Variants in HERC3 observed in about 807,000 individuals in gnomAD.
The protein encoded by HERC3 is HECT and RLD domain containing E3 ubiquitin protein ligase 3, also known as probable E3 ubiquitin-protein ligase HERC3.
In HERC3, 58 loss-of-function variants were observed where a neutral mutation model predicts 129.9. The observed-to-expected ratio is 0.45, with a 90% CI of 0.36 to 0.56. The LOEUF is 0.56. Among genes scored for constraint, HERC3 ranks in the 20% least tolerant of loss-of-function variants. The probability of loss-of-function intolerance (pLI) is 0.00; values close to 1 mark genes in which losing one functional copy is unlikely to be tolerated. For missense variants in HERC3, 835 were observed against 1,244.2 expected (o/e 0.67, Z 4.95); for synonymous variants, 430 against 451.0 (o/e 0.95, Z 0.59).
intron 10 of HERC3, among the ~76,000 whole-genome samples, chr4:88,658,749 A>G (rs541270662): frequency 6.6e-6 from 1 of 152,272 alleles, no homozygotes; most frequent in South Asian, 2.1e-4. Context: ...TTGTTCCAGA[A>G]ACTCTGTAAA....
intron 21 of HERC3, among the ~76,000 whole-genome samples, chr4:88,682,753 T>A (rs1220398957): frequency 1.3e-5 from 2 of 152,140 alleles, no homozygotes; most frequent in Non-Finnish European, 2.9e-5. Flanking sequence ...TCCAAGTCTT[T>A]GCTATTGTGA....
chr4:88,629,408 T>A (rs1726491653), intron 3 of HERC3, among the ~76,000 whole-genome samples: 1 of 152,250 alleles, frequency 6.6e-6, no homozygotes, highest in African/African-American at 2.4e-5. Flanking sequence ...TTCCACTTAC[T>A]ATCTCATAAT....
At chr4:88,667,781 C>T in intron 13 of HERC3, 111 bp from the exon 14 acceptor site, 2 of 796,114 alleles carry the variant, frequency 2.5e-6, no homozygotes, top group Non-Finnish European at 4.1e-6. Context: ...GTTCTCAGTG[C>T]ATAGTGAATG....
At position 88,708,100 on chromosome 4, in the gene HERC3, C is replaced by T. The variant is rs1356799580; in HGVS notation, c.*1140C>T. On this transcript the variant is annotated 3_prime_UTR_variant, in exon 26 of 26. Coordinates refer to ENST00000402738, the MANE Select transcript of HERC3 (RefSeq NM_014606.3). ...TTCCCTAATTGCTAAGATTTAAGGA[C>T]GTTCTTTATTATGAAACTTTATCAC... The T allele has an allele frequency of 5.2e-5, 8 of 152,398 alleles. No homozygotes were observed. Among genetic ancestry groups the T allele is most frequent in the East Asian group, 1.9e-4 (1 of 5,168 alleles). The allele number at this position is 152,398 out of a possible 1,614,324, so 9.4% of individuals were successfully genotyped here.
chr4:88,560,323 A>AATTT, the HERC3 span, among the ~76,000 whole-genome samples: 3 of 151,950 alleles, frequency 2.0e-5, no homozygotes, highest in African/African-American at 7.3e-5. Context: ...TTTTGATTTA[A>AATTT]ATTTCTCTGA....
chr4:88,659,325 G>A (rs1730242879), intron 10 of HERC3, among the ~76,000 whole-genome samples: 1 of 152,208 alleles, frequency 6.6e-6, no homozygotes, highest in Non-Finnish European at 1.5e-5. Flanking sequence ...GGAAGATAAT[G>A]AGCAACTGTG....
At chr4:88,681,427 C>A in intron 21 of HERC3, 102 bp downstream of exon 21, 1 of 1,010,002 alleles carries the variant, frequency 9.9e-7, no homozygotes, top group Non-Finnish European at 1.5e-6. Context: ...GAGTTTATTG[C>A]ATCCTGTGGT....
In HERC3 at chr4:88,662,474, A is replaced by G; in HGVS notation, c.1190A>G (p.His397Arg). ...AVDFRTMNQA[H>R]YTSLINDETI... ...GACTTCAGGACTATGAACCAAGCAC[A>G]TTATACCAGTTTAATAAATGATGAA... The change falls in exon 11 of 26, where the codon CAT becomes CGT. Residue 397 changes from histidine to arginine, a missense_variant. Physicochemically the swap from His to Arg is conservative, Grantham distance 29. Transcript: ENST00000402738. The G allele has an allele frequency of 1.2e-6, 2 of 1,613,606 alleles. No individual in the cohort carries two copies. Among genetic ancestry groups the G allele is most frequent in the Non-Finnish European group, 1.7e-6 (2 of 1,179,588 alleles).
intron 4 of HERC3, among the ~76,000 whole-genome samples, chr4:88,651,564 G>A (rs72882987): frequency 0.054 from 8,154 of 152,274 alleles, 485 homozygotes; most frequent in African/African-American, 0.14. Flanking sequence ...TGCTTGCACT[G>A]TATGGACTCC....
chr4:88,547,864 C>T, the HERC3 span, among the ~76,000 whole-genome samples: 1 of 152,144 alleles, frequency 6.6e-6, no homozygotes, highest in African/African-American at 2.4e-5. Flanking sequence ...CCACGTTAGC[C>T]AGGCTGGTGT....
At chr4:88,699,507 A>G (rs1560782710) in intron 23 of HERC3, among the ~76,000 whole-genome samples, 1 of 147,366 alleles carries the variant, frequency 6.8e-6, no homozygotes, top group Non-Finnish European at 1.5e-5. Flanking sequence ...ACTCCCATAT[A>G]TCATCTCTTT....
chr4:88,569,356 A>G, the HERC3 span, among the ~76,000 whole-genome samples: 1 of 152,184 alleles, frequency 6.6e-6, no homozygotes, highest in African/African-American at 2.4e-5. Context: ...GAGGGGTGGC[A>G]TCTATAATTC....
intron 3 of HERC3, among the ~76,000 whole-genome samples, chr4:88,606,664 C>T (rs539758428): frequency 6.6e-6 from 1 of 152,142 alleles, no homozygotes; most frequent in Non-Finnish European, 1.5e-5. Context: ...CACATGGCGG[C>T]AGACAAGAGA....
intron 23 of HERC3, chr4:88,692,963 A>G: frequency 1.0e-6 from 1 of 984,458 alleles, no homozygotes; most frequent in Non-Finnish European, 1.2e-6. Flanking sequence ...TAATGTTTTC[A>G]AAAAGCAAAA....
the HERC3 span, among the ~76,000 whole-genome samples, chr4:88,555,292 A>AG: frequency 6.6e-6 from 1 of 151,768 alleles, no homozygotes; most frequent in East Asian, 1.9e-4. Context: ...AAAAAAAAAA[A>AG]AAAGAAAAAG....
At chr4:88,612,289 CTGTGTGTGTGTGTG>C (rs3220740) in intron 3 of HERC3, among the ~76,000 whole-genome samples, 8,119 of 141,672 alleles carry the variant, frequency 0.057, 591 homozygotes, top group East Asian at 0.27. Context: ...ATGTGACCAA[CTGTGTGTGTGTGTG>C]TGTGTGTGTG....
the HERC3 span, among the ~76,000 whole-genome samples, chr4:88,535,930 A>G: frequency 6.6e-6 from 1 of 152,244 alleles, no homozygotes; most frequent in Admixed American, 6.5e-5. Flanking sequence ...AGATAGAAAG[A>G]TGGGAGTGCA....
At chr4:88,575,941 A>G in the HERC3 span, among the ~76,000 whole-genome samples, 2 of 152,238 alleles carry the variant, frequency 1.3e-5, no homozygotes, top group African/African-American at 4.8e-5. Flanking sequence ...ATACTCCCTC[A>G]AGGACCTTAT....
At chr4:88,706,641 C>T in intron 25 of HERC3, 111 bp from the exon 26 acceptor site, 2 of 774,534 alleles carry the variant, frequency 2.6e-6, no homozygotes, top group South Asian at 3.4e-5. Context: ...TGTAATTGTA[C>T]TTCTCATGCA....
Sources: allele counts gnomAD v4.1 joint callset (sites outside exome capture counted in the v4.1 genomes callset), GRCh38; gene constraint gnomAD v4.1.1; transcripts MANE v1.5; gene names NCBI Gene and HGNC (gene_info 2026-07-23, HGNC 2026-07-21).